The following CDKAL1 variants were observed in gnomAD, a reference collection of about 807,000 sequenced individuals.
The protein encoded by CDKAL1 is threonylcarbamoyladenosine tRNA methylthiotransferase.
Under a neutral mutation model 68.2 loss-of-function variants are expected in CDKAL1, and 32 were observed. That is an observed-to-expected ratio of 0.47 (90% CI 0.35 to 0.63). The LOEUF (loss-of-function observed/expected upper bound fraction) is 0.63. Ranked by LOEUF, CDKAL1 falls within the 30% of genes least tolerant of loss-of-function variation. The pLI, the probability that CDKAL1 is intolerant of heterozygous loss-of-function variation, is 0.00. For synonymous variants in CDKAL1, 234 were observed against 244.3 expected (o/e 0.96, Z 0.39); for missense variants, 606 against 696.7 (o/e 0.87, Z 1.47).
chr6:20,781,328 T>C (rs1775421627), intron 8 of CDKAL1, 63 bp downstream of exon 8: 11 of 1,439,072 alleles, frequency 7.6e-6, no homozygotes, highest in Non-Finnish European at 1.0e-5. Context: ...AGTTTTTTTT[T>C]CTTGGACATG....
intron 10 of CDKAL1, among the ~76,000 whole-genome samples, chr6:20,956,041 A>G (rs530624307): frequency 6.6e-6 from 1 of 152,342 alleles, no homozygotes; most frequent in Admixed American, 6.5e-5. Flanking sequence ...TCATCCCTTC[A>G]TCTGGAGATA....
intron 6 of CDKAL1, among the ~76,000 whole-genome samples, chr6:20,754,877 T>A (rs577955230): frequency 6.6e-6 from 1 of 152,212 alleles, no homozygotes; most frequent in Non-Finnish European, 1.5e-5. Context: ...CAGTGTCTAA[T>A]CTAAGGTTCA....
chr6:20,956,927 C>T (rs767168977), intron 10 of CDKAL1, among the ~76,000 whole-genome samples: 36 of 145,292 alleles, frequency 2.5e-4, no homozygotes, highest in Non-Finnish European at 4.0e-4. Context: ...TTATGATTTG[C>T]TATTTAAAAA....
intron 9 of CDKAL1, among the ~76,000 whole-genome samples, chr6:20,880,694 A>C (rs1450824274): frequency 6.6e-6 from 1 of 152,178 alleles, no homozygotes; most frequent in Non-Finnish European, 1.5e-5. Context: ...AAGCCTCCTG[A>C]ATTCATATAT....
At chr6:20,588,389 G>T (rs868391454) in intron 4 of CDKAL1, among the ~76,000 whole-genome samples, 4 of 152,114 alleles carry the variant, frequency 2.6e-5, no homozygotes, top group Non-Finnish European at 2.9e-5. Flanking sequence ...AGCAGCCTAC[G>T]CTACTCATTT....
intron 4 of CDKAL1, among the ~76,000 whole-genome samples, chr6:20,613,745 C>G (rs1766758508): frequency 6.6e-6 from 1 of 151,294 alleles, no homozygotes; most frequent in Admixed American, 6.6e-5. Flanking sequence ...TTGCTAATAA[C>G]AAAACTGCTA....
At chr6:20,601,661 A>C (rs1230947765) in intron 4 of CDKAL1, among the ~76,000 whole-genome samples, 2 of 152,158 alleles carry the variant, frequency 1.3e-5, no homozygotes, top group Non-Finnish European at 2.9e-5. Flanking sequence ...ATTACACAGA[A>C]CTTTAAAAAT....
chr6:20,900,643 C>T (rs557436742), intron 9 of CDKAL1, among the ~76,000 whole-genome samples: 1 of 152,200 alleles, frequency 6.6e-6, no homozygotes, highest in African/African-American at 2.4e-5. Flanking sequence ...AGATATGTCA[C>T]TTTTAAGCAA....
At chr6:20,606,813 G>A (rs1766355196) in intron 4 of CDKAL1, among the ~76,000 whole-genome samples, 2 of 152,298 alleles carry the variant, frequency 1.3e-5, no homozygotes, top group South Asian at 2.1e-4. Flanking sequence ...GTCTGCCAAT[G>A]CGTTTTTGAT....
intron 15 of CDKAL1, among the ~76,000 whole-genome samples, chr6:21,223,127 G>T (rs2151126168): frequency 6.6e-6 from 1 of 152,240 alleles, no homozygotes; most frequent in East Asian, 1.9e-4. Flanking sequence ...GAGGTGCAGG[G>T]GCAAGTAAAA....
chr6:21,046,806 G>C (rs1386469525), intron 11 of CDKAL1, among the ~76,000 whole-genome samples: 3 of 152,208 alleles, frequency 2.0e-5, no homozygotes, highest in Admixed American at 2.0e-4. Flanking sequence ...ACCTTGTCGA[G>C]AACATATCAT....
At chr6:20,986,511 C>T (rs1426310837) in intron 10 of CDKAL1, among the ~76,000 whole-genome samples, 2 of 151,814 alleles carry the variant, frequency 1.3e-5, no homozygotes, top group Admixed American at 6.6e-5. Context: ...ACTTTATGTG[C>T]ACTACTTATT....
At position 21,231,071 on chromosome 6, in the gene CDKAL1, A is replaced by G; in HGVS notation, c.*32A>G. On this transcript the variant is annotated 3_prime_UTR_variant, in exon 16 of 16. Transcript: ENST00000274695. The stretch of plus-strand genomic sequence containing the variant: ...ACTAATGGAAACATCTATAAAGAAG[A>G]ATACATTTCTAATTAAAATCTTCAA... 1.3e-6 allele frequency: 2 copies of G among 1,486,106 alleles called. No individual in the cohort carries two copies. Among genetic ancestry groups the G allele is most frequent in the Non-Finnish European group, 1.8e-6 (2 of 1,087,376 alleles). 92.1% of individuals were successfully genotyped at this position (1,486,106 alleles called of 1,614,324 possible). A position where few individuals can be genotyped will look rare whatever the true frequency, so the allele number is the denominator to read the frequency against.
chr6:20,635,403 A>G (rs1470872097), intron 4 of CDKAL1, among the ~76,000 whole-genome samples: 1 of 152,150 alleles, frequency 6.6e-6, no homozygotes, highest in African/African-American at 2.4e-5. Context: ...GCCCCTGTCA[A>G]ATGATCCCAG....
At chr6:20,947,391 G>C (rs1039441337) in intron 9 of CDKAL1, among the ~76,000 whole-genome samples, 13 of 152,058 alleles carry the variant, frequency 8.5e-5, no homozygotes, top group African/African-American at 2.9e-4. Flanking sequence ...AGGAATTTGA[G>C]ACCAGCCTGG....
intron 5 of CDKAL1, among the ~76,000 whole-genome samples, chr6:20,705,920 C>T (rs556290439): frequency 3.9e-5 from 6 of 152,226 alleles, no homozygotes; most frequent in African/African-American, 1.4e-4. Flanking sequence ...GTGTTCATAG[C>T]GGGGTTGCTT....
intron 5 of CDKAL1, among the ~76,000 whole-genome samples, chr6:20,676,690 TAAATAAATAAATA>T (rs1267283956): frequency 3.6e-5 from 5 of 140,470 alleles, no homozygotes; most frequent in African/African-American, 1.2e-4. Context: ...AATAAATAAA[TAAATAAATAAATA>T]AAATAAAATA....
chr6:21,034,375 A>G (rs1372645504), intron 11 of CDKAL1, among the ~76,000 whole-genome samples: 1 of 152,142 alleles, frequency 6.6e-6, no homozygotes, highest in African/African-American at 2.4e-5. Flanking sequence ...TTCCATCTTT[A>G]CCTTTGTGCC....
At chr6:20,758,709 C>A in intron 7 of CDKAL1, 66 bp downstream of exon 7, 2 of 1,188,114 alleles carry the variant, frequency 1.7e-6, no homozygotes, top group Non-Finnish European at 2.4e-6. Context: ...AAACACCACT[C>A]AGGTAACTCT....
Sources: gnomAD v4.1 joint callset for allele counts (sites outside exome capture counted in the v4.1 genomes callset) on GRCh38, gnomAD v4.1.1 for gene constraint, MANE v1.5 for transcripts, NCBI Gene and HGNC (gene_info 2026-07-23, HGNC 2026-07-21) for gene names.